The following SNAP47 variants were observed in gnomAD, a reference collection of about 807,000 sequenced individuals.
The protein encoded by SNAP47 is synaptosomal-associated protein 47.
SNAP47 carries 20 observed loss-of-function variants against 31.4 expected under a neutral mutation model. That is an observed-to-expected ratio of 0.64 (90% confidence interval 0.45 to 0.93). The LOEUF (loss-of-function observed/expected upper bound fraction) is 0.93, where lower values mean the gene tolerates loss of function less well. SNAP47 is among the 40% of genes least tolerant of loss of function. The pLI is 0.00. For missense variants in SNAP47, 492 were observed against 528.5 expected (o/e 0.93, Z 0.68); for synonymous variants, 194 against 213.4 (o/e 0.91, Z 0.79).
At chr1:227,778,520 G>A (rs1558219112) in intron 4 of SNAP47, among the ~76,000 whole-genome samples, 1 of 152,262 alleles carries the variant, frequency 6.6e-6, no homozygotes, top group Non-Finnish European at 1.5e-5. Flanking sequence ...CTTCCAGGAG[G>A]CCTCCTCACA....
At chr1:227,749,127 G>A (rs1662175454) in intron 2 of SNAP47, among the ~76,000 whole-genome samples, 1 of 152,154 alleles carries the variant, frequency 6.6e-6, no homozygotes, top group South Asian at 2.1e-4. Context: ...AGCATCTTCT[G>A]TGTTTGGATA....
chr1:227,732,616 T>C (rs755529521), upstream of SNAP47: 5 of 1,613,540 alleles, frequency 3.1e-6, no homozygotes, highest in African/African-American at 2.7e-5. Context: ...TTCTCAGCGA[T>C]GACCTTGAGG....
chr1:227,759,971 CTT>C (rs2102954956), intron 3 of SNAP47, among the ~76,000 whole-genome samples: 1 of 152,312 alleles, frequency 6.6e-6, no homozygotes, highest in East Asian at 1.9e-4. Flanking sequence ...GATTCTGTCT[CTT>C]TGCCTGTGTC....
At chr1:227,766,742 A>G (rs1370258072) in intron 3 of SNAP47, among the ~76,000 whole-genome samples, 1 of 152,362 alleles carries the variant, frequency 6.6e-6, no homozygotes, top group East Asian at 1.9e-4. Flanking sequence ...TTACTCTGAG[A>G]GGTACAGAGT....
upstream of SNAP47, chr1:227,732,607 T>C (rs1660736326): frequency 6.2e-7 from 1 of 1,613,414 alleles, no homozygotes; most frequent in African/African-American, 1.3e-5. Context: ...AGGAGCCTCT[T>C]CTCAGCGATG....
chr1:227,735,750 C>G (rs1661092268), intron 1 of SNAP47: 24 of 973,052 alleles, frequency 2.5e-5, no homozygotes, highest in Non-Finnish European at 2.9e-5. Flanking sequence ...AGAGGGAGAG[C>G]TGGGGGGCCC....
intron 1 of SNAP47, chr1:227,743,885 G>T (rs1200673636): frequency 2.6e-5 from 4 of 152,208 alleles, no homozygotes; most frequent in Admixed American, 2.6e-4. Context: ...ATTGTGTGTT[G>T]ATGATAGAAT....
At chr1:227,773,123 G>C (rs1663928419) in intron 4 of SNAP47, among the ~76,000 whole-genome samples, 1 of 144,368 alleles carries the variant, frequency 6.9e-6, no homozygotes, top group Non-Finnish European at 1.5e-5. Context: ...ACCACGTCCA[G>C]CTAATTTTTT....
At chr1:227,735,619 G>T (rs1571973352) in intron 1 of SNAP47, 120 bp downstream of exon 1, 1 of 1,326,258 alleles carries the variant, frequency 7.5e-7, no homozygotes. Flanking sequence ...CATCCCCGGG[G>T]GGTGGGGGGT....
chr1:227,738,115 C>T (rs1244856923), intron 1 of SNAP47, among the ~76,000 whole-genome samples: 2 of 152,128 alleles, frequency 1.3e-5, no homozygotes, highest in Non-Finnish European at 1.5e-5. Context: ...GATCTTGGCT[C>T]ACTGCAACCT....
intron 2 of SNAP47, among the ~76,000 whole-genome samples, chr1:227,752,977 G>A (rs1454513681): frequency 2.0e-5 from 3 of 152,158 alleles, no homozygotes; most frequent in Non-Finnish European, 4.4e-5. Context: ...GTGAGTTGTT[G>A]GTTCTCAGAG....
Position 227,769,823 on chromosome 1 carries a change from G to A in SNAP47, c.1113+2740G>A, listed in dbSNP as rs552445890. Among the ~76,000 whole-genome samples the A allele has an allele frequency of 2.6e-5, 4 of 152,284 alleles. No individual in the cohort carries two copies. In the South Asian group the frequency reaches 6.2e-4, roughly 24 times the overall value. ...CCACTAGGGCCCACGCCATGGACGC[G>A]GTGCCTGGACACAGTAGAACTGGAG... On this transcript the variant is annotated intron_variant, in intron 4 of 4. Coordinates refer to ENST00000617596, the MANE Select transcript of SNAP47 (RefSeq NM_053052.4).
In SNAP47 at chr1:227,741,922, T is replaced by G. The variant is rs1273770359; in HGVS notation, c.-45-5770T>G. Among the ~76,000 whole-genome samples the G allele has an allele frequency of 2.0e-5, 3 of 152,210 alleles. No homozygotes were observed. Among genetic ancestry groups the G allele is most frequent in the African/African-American group, 7.2e-5 (3 of 41,450 alleles). On this transcript the variant is annotated intron_variant, in intron 1 of 4. Coordinates refer to ENST00000617596, the MANE Select transcript of SNAP47 (RefSeq NM_053052.4). The surrounding 1 kb of genome is among the most constrained non-coding windows in gnomAD (Gnocchi z 4.2). ...GCTTCTTCCTGGGCTGTTGTCAAAC[T>G]TGAATACTTTCCTTATATTTATTGT...
upstream of SNAP47, chr1:227,735,243 T>C (rs1218631147): frequency 6.2e-7 from 1 of 1,601,320 alleles, no homozygotes; most frequent in Admixed American, 1.7e-5. Context: ...CGGAAGTGGC[T>C]GTCGGCGAGG....
chr1:227,777,920 G>A (rs1200512948), intron 4 of SNAP47, among the ~76,000 whole-genome samples: 1 of 152,208 alleles, frequency 6.6e-6, no homozygotes, highest in Non-Finnish European at 1.5e-5. Flanking sequence ...CCTCAGGACC[G>A]GGGGCAGGTC....
rs150653613 is a variant in SNAP47 at position 227,735,875 on chromosome 1, C to T, written c.-46+376C>T. On this transcript the variant is annotated intron_variant, in intron 1 of 4. Transcript: ENST00000617596. ...CGGGATCTGGAGGGGACGGTGGGAC[C>T]TGGAGGGGATGGGGACAGTGGGGAC... 8.5e-4 allele frequency: 271 copies of T among 318,828 alleles called. 1 individual carries two copies. In the Middle Eastern group the frequency reaches 0.015, roughly 18 times the overall value. The allele number at this position is 318,828 out of a possible 1,614,324, so 19.7% of individuals were successfully genotyped here.
At chr1:227,732,036 C>T (rs1214404107), upstream of SNAP47, 3 of 340,092 alleles carry the variant, frequency 8.8e-6, no homozygotes, top group Admixed American at 8.3e-5. Flanking sequence ...GACGAGGGGA[C>T]AGGGCTGGCC....
chr1:227,733,336 C>A (rs1008461035), upstream of SNAP47: 10 of 1,454,526 alleles, frequency 6.9e-6, no homozygotes, highest in South Asian at 1.3e-5. Context: ...CCAGCTCTGG[C>A]TGGGAGAGTG....
intron 4 of SNAP47, among the ~76,000 whole-genome samples, chr1:227,774,124 G>A (rs918084490): frequency 2.0e-4 from 30 of 152,164 alleles, no homozygotes; most frequent in African/African-American, 7.2e-4. Context: ...TGTGGCCCAT[G>A]GAGGCATCTG....
Sources: allele counts gnomAD v4.1 joint callset (sites outside exome capture counted in the v4.1 genomes callset), GRCh38; gene constraint gnomAD v4.1.1; non-coding constraint Gnocchi (gnomAD v3.1); transcripts MANE v1.5; gene names NCBI Gene and HGNC (gene_info 2026-07-23, HGNC 2026-07-21).